Variants in SUMF1 observed in about 807,000 individuals in gnomAD.
SUMF1 encodes the protein sulfatase modifying factor 1.
A neutral mutation model predicts 47.6 loss-of-function variants in SUMF1; 48 were observed. The ratio of observed to expected loss-of-function variants is 1.01; its 90% CI spans 0.80 to 1.28. SUMF1 has a LOEUF of 1.28. SUMF1 is among the 50% of genes most tolerant of loss of function. The pLI is 0.00. For missense variants in SUMF1, 571 were observed against 485.4 expected (o/e 1.18, Z -1.66); for synonymous variants, 230 against 192.1 (o/e 1.20, Z -1.63).
At chr3:4,340,493 T>C (rs1177053523) in intron 8 of SUMF1, among the ~76,000 whole-genome samples, 1 of 152,148 alleles carries the variant, frequency 6.6e-6, no homozygotes, top group Non-Finnish European at 1.5e-5. Flanking sequence ...GGGTCACATG[T>C]ATATTTCAAA....
At chr3:4,417,060 A>C (rs1575195892) in intron 6 of SUMF1, 68 bp downstream of exon 6, 1 of 1,436,978 alleles carries the variant, frequency 7.0e-7, no homozygotes. Flanking sequence ...AATGCCTTTC[A>C]CCCCATGTCT....
rs2125040962 is a variant in SUMF1, at chr3:4,419,826, G to A, written c.602+238C>T. On this transcript the variant is annotated intron_variant, in intron 4 of 8. Coordinates refer to ENST00000272902, the MANE Select transcript of SUMF1 (RefSeq NM_182760.4). ...GGAAACTGGGAAGAGGCAACTCTTT[G>A]ACAAGCCAAATGAGGAGAGAAAGAG... is the stretch of plus-strand genomic sequence containing the variant. Among the ~76,000 whole-genome samples, 3 of 152,308 alleles carry A rather than the reference G, an allele frequency of 2.0e-5. No homozygotes were observed. The Middle Eastern group carries it at 0.01, about 518-fold the overall frequency.
chr3:4,456,695 T>TATATATATACGTATATATATAC (rs2079622259), intron 1 of SUMF1, among the ~76,000 whole-genome samples: 2 of 137,710 alleles, frequency 1.5e-5, no homozygotes, highest in South Asian at 2.2e-4. Context: ...TATGTGTGTA[T>TATATATATACGTATATATATAC]ATATATATAC....
At chr3:4,353,434 A>G (rs1699549108) in intron 8 of SUMF1, among the ~76,000 whole-genome samples, 1 of 152,090 alleles carries the variant, frequency 6.6e-6, no homozygotes, top group Non-Finnish European at 1.5e-5. Flanking sequence ...TTGTATTTTT[A>G]GTAGAGACGG....
chr3:4,252,352 G>GCACACACA (rs142977510), intron 8 of SUMF1, among the ~76,000 whole-genome samples: 3 of 129,594 alleles, frequency 2.3e-5, no homozygotes, highest in African/African-American at 5.4e-5. Context: ...ACACACATGC[G>GCACACACA]CACACACACA....
At chr3:4,060,215 G>A (rs137978352) in intron 9 of SUMF1, among the ~76,000 whole-genome samples, 58 of 152,268 alleles carry the variant, frequency 3.8e-4, no homozygotes, top group African/African-American at 1.2e-3. Context: ...AGAGATTAGC[G>A]ATTTCTGAAC....
chr3:4,335,356 A>T (rs1461017564), intron 8 of SUMF1, among the ~76,000 whole-genome samples: 1 of 152,194 alleles, frequency 6.6e-6, no homozygotes, highest in Non-Finnish European at 1.5e-5. Context: ...ATCTCTGATT[A>T]TAAGGAGAAG....
intron 9 of SUMF1, among the ~76,000 whole-genome samples, chr3:4,057,525 A>T (rs886123572): frequency 3.3e-5 from 5 of 152,202 alleles, no homozygotes; most frequent in African/African-American, 9.6e-5. Context: ...TTCACAATTT[A>T]CAACTGTGCC....
At chr3:4,381,221 GT>G (rs1489279155) in intron 7 of SUMF1, among the ~76,000 whole-genome samples, 1 of 152,192 alleles carries the variant, frequency 6.6e-6, no homozygotes, top group East Asian at 1.9e-4. Context: ...ATTATTCTAA[GT>G]GTAGTAACTC....
chr3:4,168,658 T>C lies in SUMF1; in HGVS notation c.1015-99913A>G, dbSNP rs367880850. ...TAATGAGTTCTCAAGCAACTTTGGGTAAAAATCTCTATTTTGCCACTTTCT... is the reference window on the plus strand; with the variant it reads ...TAATGAGTTCTCAAGCAACTTTGGGCAAAAATCTCTATTTTGCCACTTTCT... On this transcript the variant is annotated intron_variant and NMD_transcript_variant, in intron 8 of 12. Transcript: ENST00000448413. 7.9e-5 allele frequency among the ~76,000 whole-genome samples: 12 copies of C among 152,316 alleles called. 2 individuals are homozygous for C. Among genetic ancestry groups the C allele is most frequent in the Admixed American group, 6.5e-5 (1 of 15,302 alleles).
At chr3:4,200,166 G>C (rs1695511113) in intron 8 of SUMF1, among the ~76,000 whole-genome samples, 1 of 147,386 alleles carries the variant, frequency 6.8e-6, no homozygotes, top group South Asian at 2.1e-4. Context: ...TGTGAGGTAA[G>C]CATCAAGATT....
intron 8 of SUMF1, among the ~76,000 whole-genome samples, chr3:4,190,827 G>A (rs1695299094): frequency 6.6e-6 from 1 of 152,130 alleles, no homozygotes; most frequent in Admixed American, 6.5e-5. Flanking sequence ...GAAGACCACA[G>A]ATGGGTATTC....
At chr3:4,307,032 G>A (rs974126746) in intron 8 of SUMF1, among the ~76,000 whole-genome samples, 2 of 152,210 alleles carry the variant, frequency 1.3e-5, no homozygotes, top group African/African-American at 4.8e-5. Context: ...CTGGCTCACA[G>A]TCTTCTAATA....
At chr3:4,183,508 G>A (rs1257459743) in intron 8 of SUMF1, among the ~76,000 whole-genome samples, 1 of 152,078 alleles carries the variant, frequency 6.6e-6, no homozygotes, top group East Asian at 1.9e-4. Flanking sequence ...AATTGATAGC[G>A]CTCATCAGAT....
chr3:4,150,453 T>C (rs1254191970), intron 8 of SUMF1, among the ~76,000 whole-genome samples: 1 of 150,610 alleles, frequency 6.6e-6, no homozygotes, highest in Admixed American at 6.6e-5. Flanking sequence ...TCCCAGCTAC[T>C]TGGGAGGCTA....
intron 3 of SUMF1, among the ~76,000 whole-genome samples, chr3:4,438,241 AAGAT>A (rs1702466805): frequency 1.5e-5 from 1 of 64,750 alleles, no homozygotes; most frequent in Admixed American, 1.3e-4. Flanking sequence ...AAAAAAAAAA[AAGAT>A]CTCATAGAAA....
At chr3:4,158,004 T>G (rs1694493301) in intron 8 of SUMF1, among the ~76,000 whole-genome samples, 1 of 151,596 alleles carries the variant, frequency 6.6e-6, no homozygotes, top group Non-Finnish European at 1.5e-5. Context: ...AAGCATTTAT[T>G]TCATTTAAAC....
intron 8 of SUMF1, chr3:4,314,143 C>T (rs1415886327): frequency 3.9e-6 from 1 of 258,232 alleles, no homozygotes. Flanking sequence ...GAAAGGAAGC[C>T]ATTGCATAGA....
chr3:4,162,698 G>A (rs894658721), intron 8 of SUMF1, among the ~76,000 whole-genome samples: 2 of 152,082 alleles, frequency 1.3e-5, no homozygotes, highest in African/African-American at 4.8e-5. Flanking sequence ...GGAGTGAGGT[G>A]GTGTCAGTAA....
Sources: gnomAD v4.1 joint callset for allele counts (sites outside exome capture counted in the v4.1 genomes callset) on GRCh38, gnomAD v4.1.1 for gene constraint, MANE v1.5 for transcripts, NCBI Gene and HGNC (gene_info 2026-07-23, HGNC 2026-07-21) for gene names.